Variants in SRRM3 observed in about 807,000 individuals in gnomAD.
SRRM3 encodes serine/arginine repetitive matrix protein 3.
SRRM3 carries 27 observed loss-of-function variants against 66.2 expected under a neutral mutation model. The ratio of observed to expected loss-of-function variants is 0.41; its 90% CI spans 0.30 to 0.56. SRRM3 has a LOEUF of 0.56. SRRM3 is among the 20% of genes least tolerant of loss of function. The pLI is 0.32. For missense variants in SRRM3, 918 were observed against 991.9 expected (o/e 0.93, Z 1.00); for synonymous variants, 391 against 414.9 (o/e 0.94, Z 0.70).
intron 2 of SRRM3, among the ~76,000 whole-genome samples, chr7:76,242,251 G>A (rs139452461): frequency 0.079 from 11,984 of 152,170 alleles, 1,113 homozygotes; most frequent in African/African-American, 0.22. Flanking sequence ...TTGGGAGGCT[G>A]AGGTGGGTGG....
In SRRM3 at chr7:76,282,633, G is replaced by C. The variant is rs782628938; in HGVS notation, c.1371-15G>C. The C allele has an allele frequency of 2.6e-6, 3 of 1,145,230 alleles. No homozygotes were observed. The highest frequency in any genetic ancestry group is 3.2e-5 in the South Asian group (2 of 62,216). The allele number at this position is 1,145,230 out of a possible 1,614,324, so 70.9% of individuals were successfully genotyped here. On this transcript the variant is annotated splice_polypyrimidine_tract_variant and intron_variant, in intron 12 of 14. Transcript: ENST00000611745. ...GGGTCGCTGAGCCCTATCCCGCGCC[G>C]TCTCCCTCCTCCAGGGCCAAGGAGC...
intron 11 of SRRM3, among the ~76,000 whole-genome samples, chr7:76,271,393 CTT>C (rs1318553593): frequency 2.0e-5 from 3 of 152,264 alleles, no homozygotes; most frequent in Admixed American, 6.5e-5. Flanking sequence ...AGGAGAATCA[CTT>C]GAGCTCAGGA....
chr7:76,276,126 T>C (rs1802343748), intron 11 of SRRM3, among the ~76,000 whole-genome samples: 2 of 151,612 alleles, frequency 1.3e-5, no homozygotes, highest in African/African-American at 4.9e-5. Flanking sequence ...AGAAAACATG[T>C]CAGGTAGCAA....
At chr7:76,253,643 A>T (rs1332996497) in intron 3 of SRRM3, among the ~76,000 whole-genome samples, 3 of 151,042 alleles carry the variant, frequency 2.0e-5, no homozygotes, top group African/African-American at 4.9e-5. Flanking sequence ...AAAATAAAAT[A>T]AAAATAAAAA....
chr7:76,232,785 C>T (rs1293342510), intron 1 of SRRM3, among the ~76,000 whole-genome samples: 5 of 151,984 alleles, frequency 3.3e-5, no homozygotes, highest in African/African-American at 1.2e-4. Flanking sequence ...CATGTTACGG[C>T]TTTAAGCCAA....
In SRRM3 at chr7:76,285,692, C is replaced by T. The variant is rs1802648162; in HGVS notation, c.1811C>T (p.Thr604Ile). 6.4e-7 allele frequency: 1 copy of T among 1,551,084 alleles called. No homozygotes were observed. Among genetic ancestry groups the T allele is most frequent in the Non-Finnish European group, 8.7e-7 (1 of 1,146,928 alleles). ...AGCTGCTTGAGCAGCGACTACTCGA[C>T]CCGGAGCCACAGCCGCAGCCCCAGC... ...SSSCLSSDYSTRSHSRSPSPG... is the reference protein window; with the variant it reads ...SSSCLSSDYSIRSHSRSPSPG... The change falls in exon 15 of 15, where the codon ACC (threonine) becomes ATC (isoleucine). Residue 604 changes from threonine to isoleucine, a missense_variant. By Grantham distance (89) the Thr-to-Ile change is moderately conservative. Coordinates refer to ENST00000611745, the MANE Select transcript of SRRM3 (RefSeq NM_001110199.3). The surrounding 1 kb of genome is among the most constrained non-coding windows in gnomAD (Gnocchi z 4.1).
chr7:76,264,290 C>T (rs1348664366), intron 8 of SRRM3, among the ~76,000 whole-genome samples: 3 of 151,906 alleles, frequency 2.0e-5, no homozygotes, highest in African/African-American at 7.3e-5. Context: ...CCTCAGCCTC[C>T]CTAGTAGCTG....
At chr7:76,250,460 G>A (rs964410000) in intron 3 of SRRM3, among the ~76,000 whole-genome samples, 1 of 151,906 alleles carries the variant, frequency 6.6e-6, no homozygotes, top group African/African-American at 2.4e-5. Flanking sequence ...TCTCGAACTC[G>A]TGACCTCAGG....
intron 1 of SRRM3, among the ~76,000 whole-genome samples, chr7:76,205,909 A>C (rs2116922013): frequency 6.6e-6 from 1 of 152,346 alleles, no homozygotes; most frequent in Middle Eastern, 3.4e-3. Flanking sequence ...TAATGATGGA[A>C]CTGCAGGCTT....
intron 1 of SRRM3, among the ~76,000 whole-genome samples, chr7:76,220,388 G>A (rs1554603047): frequency 1.3e-5 from 2 of 152,224 alleles, no homozygotes; most frequent in Non-Finnish European, 2.9e-5. Context: ...TTCCAGGCAT[G>A]AGGAACAGCA....
intron 1 of SRRM3, among the ~76,000 whole-genome samples, chr7:76,231,404 A>T (rs1214711302): frequency 1.3e-5 from 2 of 152,214 alleles, no homozygotes; most frequent in Admixed American, 6.5e-5. Flanking sequence ...CACTGGGGCT[A>T]GATTTTCTCA....
intron 11 of SRRM3, chr7:76,267,718 C>T (rs1317192188): frequency 1.4e-5 from 5 of 346,908 alleles, no homozygotes; most frequent in Non-Finnish European, 2.1e-5. Context: ...GGGTTGACCG[C>T]GGGGCACTGA....
chr7:76,282,604 T>C (rs1554612109), intron 12 of SRRM3, 44 bp from the exon 13 acceptor site: 6 of 867,348 alleles, frequency 6.9e-6, no homozygotes, highest in Non-Finnish European at 7.5e-6. Flanking sequence ...CCAGCCCCCT[T>C]TCCGGGTCGC....
intron 11 of SRRM3, among the ~76,000 whole-genome samples, chr7:76,272,184 G>A (rs1349112797): frequency 6.6e-6 from 1 of 152,148 alleles, no homozygotes; most frequent in Non-Finnish European, 1.5e-5. Context: ...AGAGTATACA[G>A]AGTTTGCCGT....
In SRRM3 at chr7:76,261,563, G is replaced by A. The variant is rs782119988; in HGVS notation, c.656G>A (p.Arg219Gln). 5.6e-6 allele frequency: 9 copies of A among 1,611,742 alleles called. No homozygotes were observed. The East Asian group carries it at 6.7e-5, about 12-fold the overall frequency. Residue 219 changes from arginine to glutamine, a missense_variant, in exon 8 of 15, where the codon CGG becomes CAG. Coordinates refer to ENST00000611745, the MANE Select transcript of SRRM3 (RefSeq NM_001110199.3). ...CCCTACAGGTCTGATTCTGGGTCCC[G>A]GAGGAAGAGACGGCACAGGTGAGCG... Reference protein sequence around the residue: ...HRRDRSDSGSRRKRRHRSRSS... With the variant: ...HRRDRSDSGSQRKRRHRSRSS...
At chr7:76,220,353 C>A (rs898134312) in intron 1 of SRRM3, among the ~76,000 whole-genome samples, 1 of 152,192 alleles carries the variant, frequency 6.6e-6, no homozygotes, top group Non-Finnish European at 1.5e-5. Context: ...AGCAGTCTTG[C>A]AGGAAGGGTA....
chr7:76,234,539 C>T (rs1474355589), intron 1 of SRRM3, among the ~76,000 whole-genome samples: 3 of 152,048 alleles, frequency 2.0e-5, no homozygotes, highest in African/African-American at 4.8e-5. Context: ...GTAGGGCTGC[C>T]CTGGGAGCAG....
chr7:76,206,325 G>C (rs1800301294), intron 1 of SRRM3, among the ~76,000 whole-genome samples: 1 of 152,168 alleles, frequency 6.6e-6, no homozygotes, highest in African/African-American at 2.4e-5. Context: ...AAGGTGTTTG[G>C]GGGGCAGAGT....
chr7:76,283,314 A>T (rs1802580538), intron 14 of SRRM3, among the ~76,000 whole-genome samples: 1 of 150,756 alleles, frequency 6.6e-6, no homozygotes, highest in Non-Finnish European at 1.5e-5. Context: ...TCTATCAGAG[A>T]GACAGGTGCA....
Sources: gnomAD v4.1 joint callset for allele counts (sites outside exome capture counted in the v4.1 genomes callset) on GRCh38, gnomAD v4.1.1 for gene constraint, Gnocchi (gnomAD v3.1) non-coding constraint, MANE v1.5 for transcripts, NCBI Gene and HGNC (gene_info 2026-07-23, HGNC 2026-07-21) for gene names.